The following XKR6 variants were observed in gnomAD, a reference collection of about 807,000 sequenced individuals.
XKR6 encodes the protein XK related 6, also known as XK-related protein 6.
A neutral mutation model predicts 56.7 loss-of-function variants in XKR6; 22 were observed. The ratio of observed to expected loss-of-function variants is 0.39; its 90% CI spans 0.28 to 0.55. The LOEUF (loss-of-function observed/expected upper bound fraction) is 0.55. XKR6 is among the 20% of genes least tolerant of loss of function. The pLI, the probability that XKR6 is intolerant of heterozygous loss-of-function variation, is 0.66. For synonymous variants in XKR6, 524 were observed against 387.8 expected (o/e 1.35, Z -4.13); for missense variants, 852 against 889.0 (o/e 0.96, Z 0.53).
rs187211543 is a variant in XKR6, at chr8:11,097,409, C to T, written c.764+103167G>A. Among the ~76,000 whole-genome samples the T allele has an allele frequency of 5.0e-3, 759 of 151,836 alleles. 2 individuals carry two copies. The highest frequency in any genetic ancestry group is 8.2e-3 in the Non-Finnish European group (560 of 67,996). On this transcript the variant is annotated intron_variant, in intron 1 of 2. Coordinates refer to ENST00000416569, the MANE Select transcript of XKR6 (RefSeq NM_173683.4). ...AACTTGAGCAATATGCCACTTTGAA[C>T]CCATTTTCTTATGTGTAAAAGTAGA...
chr8:11,060,476 T>G (rs961905087), intron 1 of XKR6, among the ~76,000 whole-genome samples: 1 of 152,140 alleles, frequency 6.6e-6, no homozygotes, highest in African/African-American at 2.4e-5. Flanking sequence ...CTCCCTGTAC[T>G]CCCAGGGGGA....
At chr8:11,057,207 T>C (rs980647738) in intron 1 of XKR6, among the ~76,000 whole-genome samples, 2 of 152,184 alleles carry the variant, frequency 1.3e-5, no homozygotes, top group Admixed American at 1.3e-4. Flanking sequence ...AATTACTCTA[T>C]AAGGAGCCCC....
At chr8:11,034,844 C>G (rs978332121) in intron 1 of XKR6, among the ~76,000 whole-genome samples, 2 of 152,204 alleles carry the variant, frequency 1.3e-5, no homozygotes, top group African/African-American at 4.8e-5. Flanking sequence ...GCACACCCAT[C>G]TCCATCCATA....
intron 1 of XKR6, among the ~76,000 whole-genome samples, chr8:11,097,276 G>A (rs1798293123): frequency 1.3e-5 from 2 of 152,038 alleles, no homozygotes; most frequent in South Asian, 2.1e-4. Context: ...TGTCATTTTC[G>A]TCACACCCTC....
chr8:11,125,171 G>T (rs1187712879), intron 1 of XKR6, among the ~76,000 whole-genome samples: 1 of 152,020 alleles, frequency 6.6e-6, no homozygotes, highest in Non-Finnish European at 1.5e-5. Context: ...GGGGCCATGA[G>T]GGAGTGCACA....
At chr8:11,051,439 T>C (rs1252761133) in intron 1 of XKR6, among the ~76,000 whole-genome samples, 2 of 152,182 alleles carry the variant, frequency 1.3e-5, no homozygotes, top group African/African-American at 2.4e-5. Context: ...CATCTCCAAC[T>C]TTCCAAATTC....
At chr8:11,029,872 T>G (rs748023010) in intron 1 of XKR6, among the ~76,000 whole-genome samples, 10 of 152,100 alleles carry the variant, frequency 6.6e-5, no homozygotes, top group Non-Finnish European at 1.2e-4. Context: ...CTATCCCTAC[T>G]CCACGATCTT....
At chr8:11,064,045 G>C (rs143548252) in intron 1 of XKR6, among the ~76,000 whole-genome samples, 6 of 152,106 alleles carry the variant, frequency 3.9e-5, no homozygotes, top group Non-Finnish European at 7.3e-5. Context: ...ACATCCATCA[G>C]TCCTTCCCTT....
chr8:11,001,326 G>T (rs954786699), intron 1 of XKR6, among the ~76,000 whole-genome samples: 1 of 151,960 alleles, frequency 6.6e-6, no homozygotes, highest in Non-Finnish European at 1.5e-5. Context: ...TGAATAAATG[G>T]CCTCTTCATA....
chr8:11,128,687 T>A lies in XKR6; in HGVS notation c.764+71889A>T, dbSNP rs1799950926. 42 of 380,158 alleles carry A rather than the reference T, an allele frequency of 1.1e-4. 1 individual carries two copies. The Middle Eastern group carries it at 1.1e-3, about 10-fold the overall frequency. 23.5% of individuals were successfully genotyped at this position (380,158 alleles called of 1,614,324 possible). A position where few individuals can be genotyped will look rare whatever the true frequency, so the allele number is the denominator to read the frequency against. On this transcript the variant is annotated intron_variant, in intron 1 of 2. Transcript: ENST00000416569. ...TACACAAGATGAAATTACCCTGATGTTGTTAAATGGCTGTTCATTAAACAC... is the reference window on the plus strand; with the variant it reads ...TACACAAGATGAAATTACCCTGATGATGTTAAATGGCTGTTCATTAAACAC...
chr8:10,977,628 G>A (rs1436116216), intron 1 of XKR6, among the ~76,000 whole-genome samples: 5 of 148,584 alleles, frequency 3.4e-5, no homozygotes, highest in African/African-American at 9.9e-5. Context: ...TGCTGTGACC[G>A]CTCTCAGAGA....
intron 1 of XKR6, among the ~76,000 whole-genome samples, chr8:11,091,695 C>T (rs372508899): frequency 1.3e-3 from 198 of 152,164 alleles, no homozygotes; most frequent in Non-Finnish European, 2.1e-3. Context: ...TGGAGCAGGA[C>T]ATTTGGAAGC....
chr8:11,115,974 T>C (rs1799153167), intron 1 of XKR6, among the ~76,000 whole-genome samples: 1 of 152,246 alleles, frequency 6.6e-6, no homozygotes, highest in Non-Finnish European at 1.5e-5. Context: ...TTTAAAGTAA[T>C]ATACTGCAGT....
At chr8:11,097,211 G>A (rs1798290778) in intron 1 of XKR6, among the ~76,000 whole-genome samples, 1 of 152,162 alleles carries the variant, frequency 6.6e-6, no homozygotes, top group Non-Finnish European at 1.5e-5. Flanking sequence ...GCCCTCAAGA[G>A]ACACAAAGTG....
intron 2 of XKR6, among the ~76,000 whole-genome samples, chr8:10,923,137 G>C (rs1460501012): frequency 6.6e-6 from 1 of 152,242 alleles, no homozygotes; most frequent in Admixed American, 6.5e-5. Flanking sequence ...CCAGAAAACA[G>C]AGGTTGTGGC....
intron 1 of XKR6, among the ~76,000 whole-genome samples, chr8:11,024,207 GTGTGT>G (rs1563352289): frequency 2.5e-3 from 115 of 45,456 alleles, no homozygotes; most frequent in African/African-American, 0.018. Flanking sequence ...GTTAGGAGGT[GTGTGT>G]GTGTGTGTGT....
intron 1 of XKR6, among the ~76,000 whole-genome samples, chr8:11,111,256 T>A (rs897835025): frequency 6.6e-6 from 1 of 152,078 alleles, no homozygotes; most frequent in Non-Finnish European, 1.5e-5. Flanking sequence ...GCTACTAATT[T>A]TGCACTAATT....
At chr8:10,988,311 C>T (rs921170581) in intron 1 of XKR6, among the ~76,000 whole-genome samples, 1 of 152,182 alleles carries the variant, frequency 6.6e-6, no homozygotes, top group Non-Finnish European at 1.5e-5. Context: ...AGTAGGTGTT[C>T]CATTAATTTT....
chr8:11,163,676 C>T (rs1275561434), intron 1 of XKR6, among the ~76,000 whole-genome samples: 1 of 152,142 alleles, frequency 6.6e-6, no homozygotes, highest in African/African-American at 2.4e-5. Flanking sequence ...GGTCTGCTAC[C>T]CCAGACCACA....
Sources: gnomAD v4.1 joint callset for allele counts (sites outside exome capture counted in the v4.1 genomes callset) on GRCh38, gnomAD v4.1.1 for gene constraint, MANE v1.5 for transcripts, NCBI Gene and HGNC (gene_info 2026-07-23, HGNC 2026-07-21) for gene names.